The following ENOSF1 variants were observed in gnomAD, a reference collection of about 807,000 sequenced individuals.
The protein encoded by ENOSF1 is mitochondrial enolase superfamily member 1.
Under a neutral mutation model 68.2 loss-of-function variants are expected in ENOSF1, and 73 were observed. The ratio of observed to expected loss-of-function variants is 1.07; its 90% CI spans 0.89 to 1.30. The LOEUF (loss-of-function observed/expected upper bound fraction) is 1.30, where lower values mean the gene tolerates loss of function less well. Among genes scored for constraint, ENOSF1 ranks in the 50% most tolerant of loss-of-function variants. The pLI, the probability that ENOSF1 is intolerant of heterozygous loss-of-function variation, is 0.00. For synonymous variants in ENOSF1, 223 were observed against 210.4 expected, an observed-to-expected ratio of 1.06 and a Z score of -0.52; for missense variants, 589 against 554.5, an observed-to-expected ratio of 1.06 and a Z score of -0.62.
chr18:667,859 T>C (rs2074888131), downstream of ENOSF1: 1 of 152,118 alleles, frequency 6.6e-6, no homozygotes, highest in Non-Finnish European at 1.5e-5. Context: ...TAGTATTCAA[T>C]TATTTCTTGT....
intron 2 of ENOSF1, among the ~76,000 whole-genome samples, chr18:700,436 G>C (rs2078213196): frequency 6.6e-6 from 1 of 152,162 alleles, no homozygotes; most frequent in South Asian, 2.1e-4. Flanking sequence ...CATACCTCTG[G>C]TTCATGTCAC....
chr18:690,867 C>A, intron 7 of ENOSF1: 1 of 1,349,034 alleles, frequency 7.4e-7, no homozygotes, highest in Non-Finnish European at 1.0e-6. Flanking sequence ...GCCAAACTTC[C>A]TTTCAGCAGT....
In ENOSF1 at chr18:670,947, A is replaced by G; in HGVS notation, c.*3358T>C. The G allele has an allele frequency of 2.7e-6, 4 of 1,505,120 alleles. No homozygotes were observed. The highest frequency in any genetic ancestry group is 3.6e-6 in the Non-Finnish European group (4 of 1,105,148). The allele number at this position is 1,505,120 out of a possible 1,614,324, so 93.2% of individuals were successfully genotyped here. A position where few individuals can be genotyped will look rare whatever the true frequency, so the allele number is the denominator to read the frequency against. The stretch of plus-strand genomic sequence containing the variant: ...TCTTTAATATGGGAAAACAAATTGC[A>G]GAGTTTAGTCTCTGATTAGCTTTTA... On this transcript the variant is annotated 3_prime_UTR_variant, in exon 16 of 16. Coordinates refer to ENST00000647584, the MANE Select transcript of ENOSF1 (RefSeq NM_017512.7).
At chr18:677,965 ATTAT>A in intron 12 of ENOSF1, 93 bp from the exon 13 acceptor site, 1 of 1,435,042 alleles carries the variant, frequency 7.0e-7, no homozygotes, top group African/African-American at 1.4e-5. Flanking sequence ...TATGCCAATA[ATTAT>A]TCATCAGTGG....
rs890899824 is a variant in ENOSF1, at chr18:691,130, TCA to T, written c.497-26_497-25del. 1.9e-6 allele frequency: 3 copies of T among 1,613,980 alleles called. No homozygotes were observed. In the African/African-American group the frequency reaches 4.0e-5, roughly 22 times the overall value. On this transcript the variant is annotated intron_variant, in intron 6 of 15. Coordinates refer to ENST00000647584, the MANE Select transcript of ENOSF1 (RefSeq NM_017512.7). ...TTCTGGAAGAAATAAAAAGCATCAC[TCA>T]CTCTTTTAGGAAACAAAGCATGCCA...
At chr18:677,226 T>C (rs1229655747) in intron 14 of ENOSF1, 119 bp downstream of exon 14, 7 of 804,090 alleles carry the variant, frequency 8.7e-6, no homozygotes, top group East Asian at 2.7e-5. Context: ...CTGAGAGTTA[T>C]AGGACATGCC....
In ENOSF1 at chr18:675,377, G is replaced by GC. The variant is rs1179522250; in HGVS notation, c.1173dup (p.His392AlafsTer2). ...ATCACGGGATACTTGAAATGCTCAT[G>GC]CAGGTGGTCAACATACTCACACACC... On this transcript the variant is annotated frameshift_variant, in exon 15 of 16. Coordinates refer to ENST00000647584, the MANE Select transcript of ENOSF1 (RefSeq NM_017512.7). LOFTEE classifies it high-confidence loss of function. 1 of 1,613,134 alleles carries GC rather than the reference G, an allele frequency of 6.2e-7. No homozygotes were observed. The highest frequency in any genetic ancestry group is 1.1e-5 in the South Asian group (1 of 90,526).
In ENOSF1 at chr18:693,715, G is replaced by A. The variant is rs943365873; in HGVS notation, c.423+167C>T. 1.3e-5 allele frequency: 13 copies of A among 985,160 alleles called. No individual in the cohort carries two copies. The South Asian group carries it at 3.3e-4, about 25-fold the overall frequency. The allele number at this position is 985,160 out of a possible 1,614,324, so 61.0% of individuals were successfully genotyped here. A position where few individuals can be genotyped will look rare whatever the true frequency, so the allele number is the denominator to read the frequency against. On this transcript the variant is annotated intron_variant, in intron 5 of 15. Coordinates refer to ENST00000647584, the MANE Select transcript of ENOSF1 (RefSeq NM_017512.7). ...CTGCATGAGCACAGCCATCTGTTACGTCAGATATCAGAAAAGGAATGTCAT... is the reference window on the plus strand; with the variant it reads ...CTGCATGAGCACAGCCATCTGTTACATCAGATATCAGAAAAGGAATGTCAT...
rs1436067831 is a variant in ENOSF1 at position 690,989 on chromosome 18, G to A, written c.535+79C>T. The A allele has an allele frequency of 1.1e-5, 17 of 1,493,868 alleles. No homozygotes were observed. In the East Asian group the frequency reaches 2.7e-4, roughly 24 times the overall value. 92.5% of individuals were successfully genotyped at this position (1,493,868 alleles called of 1,614,324 possible). A position where few individuals can be genotyped will look rare whatever the true frequency, so the allele number is the denominator to read the frequency against. On this transcript the variant is annotated intron_variant, in intron 7 of 15. Transcript: ENST00000647584. ...AGCACAGGGCATTTGGGAAGACAAT[G>A]TGTACCCCAAAAGGACAGGGGCACT...
At chr18:665,468 C>T (rs1036987483), downstream of ENOSF1, among the ~76,000 whole-genome samples, 4 of 148,838 alleles carry the variant, frequency 2.7e-5, no homozygotes, top group South Asian at 2.2e-4. Flanking sequence ...AAAACCAGCT[C>T]CTGGATTCAT....
At chr18:679,729 A>AAC (rs1298697412) in intron 11 of ENOSF1, among the ~76,000 whole-genome samples, 1 of 151,968 alleles carries the variant, frequency 6.6e-6, no homozygotes, top group Non-Finnish European at 1.5e-5. Flanking sequence ...CTGGCCCCTG[A>AAC]ACACTACCTC....
chr18:710,836 G>A (rs987012828), intron 1 of ENOSF1, among the ~76,000 whole-genome samples: 2 of 152,246 alleles, frequency 1.3e-5, no homozygotes, highest in African/African-American at 4.8e-5. Flanking sequence ...AGAGGCAAAG[G>A]CAGTTGCATG....
chr18:699,501 A>T (rs2078094174), intron 2 of ENOSF1, among the ~76,000 whole-genome samples: 1 of 137,146 alleles, frequency 7.3e-6, no homozygotes, highest in Admixed American at 7.1e-5. Flanking sequence ...AATAATAATA[A>T]TAATATAAAG....
downstream of ENOSF1, among the ~76,000 whole-genome samples, chr18:668,916 G>A (rs1309986921): frequency 6.6e-6 from 1 of 152,142 alleles, no homozygotes; most frequent in Non-Finnish European, 1.5e-5. Context: ...TCAACCCACC[G>A]AGATCTGCAA....
At chr18:684,186 G>A (rs569240115) in intron 10 of ENOSF1, among the ~76,000 whole-genome samples, 7 of 151,710 alleles carry the variant, frequency 4.6e-5, no homozygotes, top group Admixed American at 6.6e-5. Flanking sequence ...TAGTAGAGAC[G>A]GGGTTTCACC....
chr18:671,727 G>A lies in ENOSF1; in HGVS notation c.*2578C>T, dbSNP rs2612099. On this transcript the variant is annotated 3_prime_UTR_variant, in exon 16 of 16. Coordinates refer to ENST00000647584, the MANE Select transcript of ENOSF1 (RefSeq NM_017512.7). ...TCAAGCCAGGGGATTGTCCAAAAGGGGGCATTTTAACTCATTTTAACTTGA... is the reference window on the plus strand; with the variant it reads ...TCAAGCCAGGGGATTGTCCAAAAGGAGGCATTTTAACTCATTTTAACTTGA... 155,307 of 444,976 alleles carry A rather than the reference G, an allele frequency of 0.35. 29,386 individuals are homozygous for A. The highest frequency in any genetic ancestry group is 0.66 in the East Asian group (15,215 of 22,888). The allele number at this position is 444,976 out of a possible 1,614,324, so 27.6% of individuals were successfully genotyped here.
chr18:666,897 T>TGATGGC (rs1555639491), downstream of ENOSF1, among the ~76,000 whole-genome samples: 252 of 48,210 alleles, frequency 5.2e-3, 24 homozygotes, highest in Non-Finnish European at 8.3e-3. Context: ...CGGGAGATGG[T>TGATGGC]GATGGAGATG....
intron 8 of ENOSF1, 92 bp from the exon 9 acceptor site, chr18:688,700 C>G (rs959131093): frequency 1.7e-6 from 2 of 1,165,018 alleles, no homozygotes; most frequent in Non-Finnish European, 2.6e-6. Context: ...ACAAGCATTA[C>G]GGTTATAGCA....
intron 11 of ENOSF1, 90 bp downstream of exon 11, chr18:683,156 C>T: frequency 6.7e-7 from 1 of 1,493,930 alleles, no homozygotes; most frequent in South Asian, 1.3e-5. Context: ...CAAGAGGGAA[C>T]AAGTGAAGAA....
Sources: allele counts gnomAD v4.1 joint callset (sites outside exome capture counted in the v4.1 genomes callset), GRCh38; gene constraint gnomAD v4.1.1; transcripts MANE v1.5; gene names NCBI Gene and HGNC (gene_info 2026-07-23, HGNC 2026-07-21).